MANBA: variants seen among roughly 807,000 people sequenced by gnomAD.
The protein encoded by MANBA is beta-mannosidase.
A neutral mutation model predicts 111.1 loss-of-function variants in MANBA; 83 were observed. The observed-to-expected ratio is 0.75, with a 90% confidence interval of 0.63 to 0.90. MANBA has a LOEUF of 0.90. Ranked by LOEUF, MANBA falls within the 40% of genes least tolerant of loss-of-function variation. MANBA has a pLI of 0.00. For synonymous variants in MANBA, 370 were observed against 378.7 expected (o/e 0.98, Z 0.27); for missense variants, 1,036 against 1,069.0 (o/e 0.97, Z 0.43).
chr4:102,726,777 T>A, intron 1 of MANBA, 94 bp from the exon 2 acceptor site: 1 of 736,668 alleles, frequency 1.4e-6, no homozygotes, highest in Non-Finnish European at 2.4e-6. Context: ...CAACAGCTAT[T>A]TATCACCTAA....
At chr4:102,649,007 A>ATCCT (rs1367695293) in intron 13 of MANBA, among the ~76,000 whole-genome samples, 5 of 152,058 alleles carry the variant, frequency 3.3e-5, no homozygotes, top group African/African-American at 1.2e-4. Flanking sequence ...ACAGTTATGT[A>ATCCT]TCCTTTTATG....
intron 4 of MANBA, among the ~76,000 whole-genome samples, chr4:102,717,083 A>G (rs1374556691): frequency 2.0e-5 from 3 of 152,134 alleles, no homozygotes; most frequent in African/African-American, 7.2e-5. Flanking sequence ...AGGAGAGCAA[A>G]ATAATCAACA....
intron 1 of MANBA, among the ~76,000 whole-genome samples, chr4:102,748,739 A>C (rs1361359058): frequency 6.6e-6 from 1 of 152,120 alleles, no homozygotes; most frequent in Non-Finnish European, 1.5e-5. Flanking sequence ...ATGATGAAAC[A>C]CCATCTCTAA....
intron 5 of MANBA, among the ~76,000 whole-genome samples, chr4:102,710,546 G>A (rs1327791624): frequency 6.6e-6 from 1 of 152,128 alleles, no homozygotes; most frequent in Non-Finnish European, 1.5e-5. Flanking sequence ...CCATGCTCAT[G>A]GGTTGGAAGA....
intron 1 of MANBA, among the ~76,000 whole-genome samples, chr4:102,743,264 C>A (rs939665274): frequency 1.3e-5 from 2 of 152,226 alleles, no homozygotes; most frequent in Non-Finnish European, 2.9e-5. Context: ...ACTGACCACC[C>A]AGCCAAACCA....
At chr4:102,716,002 C>T (rs1406306848) in intron 4 of MANBA, among the ~76,000 whole-genome samples, 1 of 152,026 alleles carries the variant, frequency 6.6e-6, no homozygotes, top group Non-Finnish European at 1.5e-5. Flanking sequence ...ATTGTGCTTA[C>T]ATGTAATAAT....
chr4:102,714,705 T>C (rs1722247266), intron 4 of MANBA, 144 bp from the exon 5 acceptor site: 1 of 815,616 alleles, frequency 1.2e-6, no homozygotes, highest in African/African-American at 1.7e-5. Context: ...ACTAAGTGGT[T>C]TAAACAATGG....
intron 12 of MANBA, among the ~76,000 whole-genome samples, chr4:102,657,412 T>C (rs1730611922): frequency 6.6e-6 from 1 of 152,190 alleles, no homozygotes; most frequent in Non-Finnish European, 1.5e-5. Context: ...TTGTAGCAAG[T>C]AAGAGTTATT....
chr4:102,657,233 T>C (rs71597127), intron 12 of MANBA, among the ~76,000 whole-genome samples: 2 of 43,410 alleles, frequency 4.6e-5, no homozygotes, highest in Admixed American at 5.2e-4. Context: ...GGGGGGGGGG[T>C]GGGCGGTGGT....
At chr4:102,662,228 C>CT (rs1411039938) in intron 11 of MANBA, among the ~76,000 whole-genome samples, 1 of 151,996 alleles carries the variant, frequency 6.6e-6, no homozygotes, top group Non-Finnish European at 1.5e-5. Flanking sequence ...ATGATGATGA[C>CT]GATGGCTAGT....
At position 102,669,156 on chromosome 4, in the gene MANBA, C is replaced by T. The variant is rs1434874980; in HGVS notation, c.1231-107G>A. ...ATTATCTTTCACACAAATGAAAAAT[C>T]CAGTTAGCCTGATGAGTGTGATCAC... On this transcript the variant is annotated intron_variant, in intron 9 of 16. Transcript: ENST00000647097. 4 of 880,376 alleles carry T rather than the reference C, an allele frequency of 4.5e-6. No homozygotes were observed. The East Asian group carries it at 8.0e-5, about 18-fold the overall frequency. The allele number at this position is 880,376 out of a possible 1,614,324, so 54.5% of individuals were successfully genotyped here. A position where few individuals can be genotyped will look rare whatever the true frequency, so the allele number is the denominator to read the frequency against.
chr4:102,738,769 A>C (rs535116694), intron 1 of MANBA, among the ~76,000 whole-genome samples: 2 of 152,358 alleles, frequency 1.3e-5, no homozygotes, highest in African/African-American at 4.8e-5. Context: ...TGAACTGCCA[A>C]ATAAACAATT....
At chr4:102,747,158 G>GATATATATATATATATATATATATAT (rs144093849) in intron 1 of MANBA, among the ~76,000 whole-genome samples, 5 of 145,408 alleles carry the variant, frequency 3.4e-5, no homozygotes, top group African/African-American at 1.3e-4. Flanking sequence ...GAACTAATGG[G>GATATATATATATATATATATATATAT]ATATATATAT....
chr4:102,651,378 T>C (rs1347834149), intron 12 of MANBA, among the ~76,000 whole-genome samples: 1 of 152,072 alleles, frequency 6.6e-6, no homozygotes, highest in Admixed American at 6.6e-5. Flanking sequence ...AGGATCTTTC[T>C]TTTGTCGTCA....
chr4:102,710,525 C>A (rs186116766), intron 5 of MANBA, among the ~76,000 whole-genome samples: 1 of 152,024 alleles, frequency 6.6e-6, no homozygotes. Flanking sequence ...ACAAACAAAT[C>A]GAAAAACATC....
At chr4:102,665,058 C>T in intron 10 of MANBA, 1 of 563,740 alleles carries the variant, frequency 1.8e-6, no homozygotes. Context: ...ATTTTATAAA[C>T]ACTGATACAT....
intron 5 of MANBA, among the ~76,000 whole-genome samples, chr4:102,699,915 A>G (rs1732935251): frequency 6.6e-6 from 1 of 151,456 alleles, no homozygotes; most frequent in South Asian, 2.1e-4. Flanking sequence ...ATTGATTGGA[A>G]TAGTTTCAGA....
At chr4:102,730,218 C>T in intron 1 of MANBA, 1 of 602,500 alleles carries the variant, frequency 1.7e-6, no homozygotes, top group Non-Finnish European at 2.9e-6. Flanking sequence ...GATAGAGATC[C>T]CAGAAGGAGT....
chr4:102,699,306 G>T (rs1417279277), intron 5 of MANBA, among the ~76,000 whole-genome samples: 1 of 150,440 alleles, frequency 6.6e-6, no homozygotes, highest in East Asian at 1.9e-4. Flanking sequence ...TCTGCAAACA[G>T]GGACAATTTG....
Sources: gnomAD v4.1 joint callset for allele counts (sites outside exome capture counted in the v4.1 genomes callset) on GRCh38, gnomAD v4.1.1 for gene constraint, MANE v1.5 for transcripts, NCBI Gene and HGNC (gene_info 2026-07-23, HGNC 2026-07-21) for gene names.